Variants in ADGRL3 observed in about 807,000 individuals in gnomAD.
The protein encoded by ADGRL3 is calcium-independent alpha-latrotoxin receptor 3.
ADGRL3 carries 62 observed loss-of-function variants against 153.5 expected under a neutral mutation model. That is an observed-to-expected ratio of 0.40 (90% CI 0.33 to 0.50). The LOEUF (loss-of-function observed/expected upper bound fraction) is 0.50, where lower values mean the gene tolerates loss of function less well. Among genes scored for constraint, ADGRL3 ranks in the 20% least tolerant of loss-of-function variants. The pLI, the probability that ADGRL3 is intolerant of heterozygous loss-of-function variation, is 0.47. For synonymous variants in ADGRL3, 710 were observed against 672.5 expected (o/e 1.06, Z -0.86); for missense variants, 1,641 against 1,859.4 (o/e 0.88, Z 2.16).
intron 5 of ADGRL3, among the ~76,000 whole-genome samples, chr4:61,629,672 A>T (rs2093035958): frequency 7.3e-6 from 1 of 137,830 alleles, no homozygotes; most frequent in Non-Finnish European, 1.5e-5. Flanking sequence ...AGCTAAGATC[A>T]CACCACTGCA....
chr4:61,988,637 CTGTT>C (rs930626729), intron 19 of ADGRL3, among the ~76,000 whole-genome samples: 3 of 152,158 alleles, frequency 2.0e-5, no homozygotes, highest in Middle Eastern at 3.4e-3. Flanking sequence ...AACATGCAAA[CTGTT>C]TGAACAGTAA....
chr4:61,698,079 G>A (rs2095674036), intron 6 of ADGRL3, among the ~76,000 whole-genome samples: 1 of 152,066 alleles, frequency 6.6e-6, no homozygotes, highest in Admixed American at 6.5e-5. Context: ...CTTCCTTTGC[G>A]GCACCAATAC....
intron 21 of ADGRL3, among the ~76,000 whole-genome samples, chr4:62,016,433 C>G (rs1030729224): frequency 6.6e-6 from 1 of 152,164 alleles, no homozygotes; most frequent in Non-Finnish European, 1.5e-5. Flanking sequence ...TTTTCCATTT[C>G]TTTATGTAAT....
rs546008640 is a variant in ADGRL3, at chr4:61,796,707, G to T, written c.1400-17102G>T. Among the ~76,000 whole-genome samples the T allele has an allele frequency of 2.0e-5, 3 of 151,784 alleles. No homozygotes were observed. The South Asian group carries it at 6.3e-4, about 32-fold the overall frequency. On this transcript the variant is annotated intron_variant, in intron 8 of 26. Coordinates refer to ENST00000683033, the MANE Select transcript of ADGRL3 (RefSeq NM_001387552.1). ...TAACTCTGGATAGCCTCTATTTTTT[G>T]GTATTTGCTGTCGTTATAATTTTTA... is the stretch of plus-strand genomic sequence containing the variant.
chr4:61,517,615 A>T, intron 4 of ADGRL3, 97 bp downstream of exon 4: 1 of 661,558 alleles, frequency 1.5e-6, no homozygotes, highest in Non-Finnish European at 2.8e-6. Context: ...TCTTCTTGTA[A>T]GTTTACTGTC....
chr4:61,347,073 T>G (rs77903978), intron 1 of ADGRL3, among the ~76,000 whole-genome samples: 4,553 of 152,144 alleles, frequency 0.03, 206 homozygotes, highest in African/African-American at 0.1. Context: ...GTGTATAGAA[T>G]GTTAGAGTTA....
chr4:61,465,847 C>T (rs1036835913), intron 2 of ADGRL3, among the ~76,000 whole-genome samples: 22 of 150,394 alleles, frequency 1.5e-4, no homozygotes, highest in African/African-American at 2.4e-4. Flanking sequence ...CATGGCTGGG[C>T]GCAGTGTCTC....
At chr4:61,695,209 A>C (rs1342041300) in intron 6 of ADGRL3, among the ~76,000 whole-genome samples, 1 of 152,204 alleles carries the variant, frequency 6.6e-6, no homozygotes, top group African/African-American at 2.4e-5. Flanking sequence ...CTTTGTTCAC[A>C]TCAGAGAAAT....
chr4:61,831,933 G>A (rs2097875270), intron 9 of ADGRL3, among the ~76,000 whole-genome samples: 1 of 151,928 alleles, frequency 6.6e-6, no homozygotes, highest in Admixed American at 6.6e-5. Context: ...AAAATCTAAA[G>A]CCTGCAGATT....
chr4:61,432,588 T>TC (rs2097372688), intron 2 of ADGRL3, among the ~76,000 whole-genome samples: 1 of 7,238 alleles, frequency 1.4e-4, no homozygotes, highest in African/African-American at 3.2e-4. Flanking sequence ...CTTTCTTTCT[T>TC]TCTTTCTTTC....
At chr4:61,755,268 T>C (rs1361483985) in intron 8 of ADGRL3, among the ~76,000 whole-genome samples, 3 of 151,978 alleles carry the variant, frequency 2.0e-5, no homozygotes, top group Non-Finnish European at 4.4e-5. Flanking sequence ...CTCTACATCC[T>C]CTCCAGCACC....
At chr4:61,679,832 T>A (rs2095294430) in intron 6 of ADGRL3, among the ~76,000 whole-genome samples, 1 of 152,116 alleles carries the variant, frequency 6.6e-6, no homozygotes, top group African/African-American at 2.4e-5. Context: ...TTTTCATTTA[T>A]ATTTTCATGA....
At chr4:62,006,577 A>AT (rs34336604) in intron 21 of ADGRL3, among the ~76,000 whole-genome samples, 7,582 of 130,698 alleles carry the variant, frequency 0.058, 259 homozygotes, top group African/African-American at 0.093. Flanking sequence ...CAATGTATAG[A>AT]TTTTTTTTTT....
chr4:61,243,633 T>G (rs1214227949), intron 1 of ADGRL3, among the ~76,000 whole-genome samples: 4 of 152,068 alleles, frequency 2.6e-5, no homozygotes, highest in African/African-American at 9.7e-5. Context: ...CCTTTTTGGT[T>G]CTAATGTTGG....
intron 4 of ADGRL3, among the ~76,000 whole-genome samples, chr4:61,576,803 T>C (rs1200310729): frequency 6.6e-6 from 1 of 151,728 alleles, no homozygotes; most frequent in Non-Finnish European, 1.5e-5. Context: ...AACATAACAA[T>C]GTGAAAATAC....
intron 5 of ADGRL3, among the ~76,000 whole-genome samples, chr4:61,651,773 A>ATTT (rs377167454): frequency 7.9e-6 from 1 of 126,762 alleles, no homozygotes. Flanking sequence ...AGGCCCAGCT[A>ATTT]TTTTTTTTTT....
At position 61,489,395 on chromosome 4, in the gene ADGRL3, T is replaced by C. The variant is rs148200564; in HGVS notation, c.-173-7726T>C. Among the ~76,000 whole-genome samples the C allele has an allele frequency of 3.3e-3, 504 of 152,000 alleles. 5 individuals carry two copies. The highest frequency in any genetic ancestry group is 0.011 in the African/African-American group (445 of 41,498). On this transcript the variant is annotated intron_variant, in intron 2 of 26. Coordinates refer to ENST00000683033, the MANE Select transcript of ADGRL3 (RefSeq NM_001387552.1). ...ATGCAGATATAAAGGACTAGGAAAA[T>C]ATGGCTACATTCAGTTCTAGGTCAA...
In ADGRL3 at chr4:61,821,329, TTTTATTTA is replaced by T. The variant is rs34109310; in HGVS notation, c.1480+7460_1480+7467del. ...CCACCTTCCAATATAGTGAACTACT[TTTTATTTA>T]TTTATTTATTTATTTATTTGTTTAT... is the stretch of plus-strand genomic sequence containing the variant. On this transcript the variant is annotated intron_variant, in intron 9 of 26. Transcript: ENST00000683033. Among the ~76,000 whole-genome samples the T allele has an allele frequency of 4.7e-3, 711 of 149,950 alleles. 2 individuals carry two copies. The highest frequency in any genetic ancestry group is 0.014 in the Middle Eastern group (4 of 294).
intron 6 of ADGRL3, among the ~76,000 whole-genome samples, chr4:61,728,248 C>A (rs534694556): frequency 5.3e-5 from 8 of 152,168 alleles, no homozygotes; most frequent in Admixed American, 3.9e-4. Flanking sequence ...CTCCAAAGCA[C>A]AACAGCCTAA....
Sources: allele counts gnomAD v4.1 joint callset (sites outside exome capture counted in the v4.1 genomes callset), GRCh38; gene constraint gnomAD v4.1.1; transcripts MANE v1.5; gene names NCBI Gene and HGNC (gene_info 2026-07-23, HGNC 2026-07-21).